The following PTPRS variants were observed in gnomAD, a reference collection of about 807,000 sequenced individuals.
PTPRS encodes the protein protein tyrosine phosphatase receptor type S.
In PTPRS, 63 loss-of-function variants were observed where a neutral mutation model predicts 215.3. That is an observed-to-expected ratio of 0.29 (90% CI 0.24 to 0.36). PTPRS has a LOEUF of 0.36. Among genes scored for constraint, PTPRS ranks in the 10% least tolerant of loss-of-function variants. PTPRS has a pLI of 1.00. For synonymous variants in PTPRS, 1,404 were observed against 1,191.4 expected (o/e 1.18, Z -3.68); for missense variants, 2,258 against 2,825.8 (o/e 0.80, Z 4.56).
At chr19:5,305,212 T>C (rs1568598989) in intron 1 of PTPRS, among the ~76,000 whole-genome samples, 1 of 152,148 alleles carries the variant, frequency 6.6e-6, no homozygotes, top group Non-Finnish European at 1.5e-5. Context: ...ATTCCAGGCT[T>C]TTCCCACCAT....
rs951741903 is a variant in PTPRS, at chr19:5,290,571, C to G, written c.-94-4337G>C. On this transcript the variant is annotated intron_variant, in intron 1 of 37. Transcript: ENST00000262963. ...GCCGGGCAGCAAACAGGCTGTGTCA[C>G]CCGCACGAGGCGGGGGCTCCTCGGG... 2.0e-5 allele frequency among the ~76,000 whole-genome samples: 3 copies of G among 152,134 alleles called. No individual in the cohort carries two copies. The East Asian group carries it at 5.8e-4, about 30-fold the overall frequency.
intron 1 of PTPRS, among the ~76,000 whole-genome samples, chr19:5,300,767 C>CAAAAAAAAAA (rs59799136): frequency 3.1e-5 from 3 of 97,720 alleles, no homozygotes; most frequent in Non-Finnish European, 4.0e-5. Context: ...GACTCCGTCT[C>CAAAAAAAAAA]AAAAAAAAAA....
chr19:5,240,707 C>T (rs1300813732), intron 11 of PTPRS, among the ~76,000 whole-genome samples: 47 of 150,666 alleles, frequency 3.1e-4, no homozygotes, highest in Non-Finnish European at 5.6e-4. Flanking sequence ...GGCGCGGTGG[C>T]GGGCACCTGT....
chr19:5,211,756 A>G lies in PTPRS; in HGVS notation c.5068T>C (p.Ser1690Pro). Residue 1690 changes from serine to proline, a missense_variant, in exon 33 of 38, where the codon TCC becomes CCC. By Grantham distance (74) the Ser-to-Pro change is moderately conservative. Coordinates refer to ENST00000262963, the MANE Select transcript of PTPRS (RefSeq NM_002850.4). The part of the protein sequence containing the change: ...MELEFKRLAN[S>P]KAHTSRFISA... Reference sequence around the variant, plus strand: ...ATGAAGCGTGACGTGTGGGCCTTGGAGTTAGCCAGCCGCTGTGGGGAGGAG... The same window carrying G: ...ATGAAGCGTGACGTGTGGGCCTTGGGGTTAGCCAGCCGCTGTGGGGAGGAG... 1 of 1,612,326 alleles carries G rather than the reference A, an allele frequency of 6.2e-7. No homozygotes were observed. Among genetic ancestry groups the G allele is most frequent in the Non-Finnish European group, 8.5e-7 (1 of 1,178,644 alleles).
intron 1 of PTPRS, among the ~76,000 whole-genome samples, chr19:5,330,529 C>T (rs543193709): frequency 7.2e-5 from 11 of 152,316 alleles, no homozygotes; most frequent in Admixed American, 4.6e-4. Context: ...TAACGGTTCA[C>T]GAAGCTGTGG....
chr19:5,269,966 A>AT (rs2046767656), intron 4 of PTPRS, among the ~76,000 whole-genome samples: 1 of 144,220 alleles, frequency 6.9e-6, no homozygotes, highest in Non-Finnish European at 1.5e-5. Flanking sequence ...CGCAGGGGGC[A>AT]TTTTTTTCCC....
In PTPRS at chr19:5,295,401, C is replaced by G. The variant is rs1317408064; in HGVS notation, c.-94-9167G>C. Among the ~76,000 whole-genome samples the G allele has an allele frequency of 1.3e-5, 2 of 152,206 alleles. No homozygotes were observed. Among genetic ancestry groups the G allele is most frequent in the African/African-American group, 4.8e-5 (2 of 41,460 alleles). Reference sequence around the variant, plus strand: ...GAGGCAGACTCTTGCCCCTATTCCACAGTGGTGACTGCAGTTGGCAGGGGA... The same window carrying G: ...GAGGCAGACTCTTGCCCCTATTCCAGAGTGGTGACTGCAGTTGGCAGGGGA... On this transcript the variant is annotated intron_variant, in intron 1 of 37. Coordinates refer to ENST00000262963, the MANE Select transcript of PTPRS (RefSeq NM_002850.4). The surrounding 1 kb of genome is among the most constrained non-coding windows in gnomAD (Gnocchi z 4.6).
rs199604489 is a variant in PTPRS at position 5,223,240 on chromosome 19, C to A, written c.2552G>T (p.Arg851Leu). Reference sequence around the variant, plus strand: ...CGCGGTGCCAGCCGGGGGCTCCCAGCGTGCCAGCAGGCTGCCCTCGGGGGT... The same window carrying A: ...CGCGGTGCCAGCCGGGGGCTCCCAGAGTGCCAGCAGGCTGCCCTCGGGGGT... ...QQTPEGSLLA[R>L]WEPPAGTAED... The change falls in exon 18 of 38, where the codon CGC (arginine) becomes CTC (leucine). Residue 851 changes from arginine (R) to leucine (L), a missense_variant. Coordinates refer to ENST00000262963, the MANE Select transcript of PTPRS (RefSeq NM_002850.4). 2.4e-4 allele frequency: 363 copies of A among 1,486,796 alleles called. 1 individual carries two copies. The highest frequency in any genetic ancestry group is 3.0e-4 in the Non-Finnish European group (337 of 1,119,530). 92.1% of individuals were successfully genotyped at this position (1,486,796 alleles called of 1,614,324 possible). A position where few individuals can be genotyped will look rare whatever the true frequency, so the allele number is the denominator to read the frequency against.
chr19:5,305,461 C>T (rs959980311), intron 1 of PTPRS, among the ~76,000 whole-genome samples: 4 of 152,104 alleles, frequency 2.6e-5, no homozygotes, highest in Non-Finnish European at 5.9e-5. Flanking sequence ...GCAGGAGGAT[C>T]ACTTGAGCCT....
chr19:5,274,299 G>A lies in PTPRS; in HGVS notation c.137C>T (p.Ser46Leu), dbSNP rs2047172037. 1 of 1,613,648 alleles carries A rather than the reference G, an allele frequency of 6.2e-7. No homozygotes were observed. Among genetic ancestry groups the A allele is most frequent in the Non-Finnish European group, 8.5e-7 (1 of 1,179,844 alleles). ...ACACACGAAAGAGGCCACACCCCCC[G>A]ACACGCCGATCTGGTCCTTGGGTTC... is the stretch of plus-strand genomic sequence containing the variant. ...IKEPKDQIGV[S>L]GGVASFVCQA... Residue 46 changes from serine (S) to leucine (L), a missense_variant, in exon 3 of 38, where the codon TCG (serine) becomes TTG (leucine). Ser to Leu is a moderately radical substitution (Grantham distance 145, BLOSUM62 -2). Coordinates refer to ENST00000262963, the MANE Select transcript of PTPRS (RefSeq NM_002850.4).
At chr19:5,218,391 C>T (rs1405851491) in intron 25 of PTPRS, 29 bp downstream of exon 25, 3 of 1,528,258 alleles carry the variant, frequency 2.0e-6, no homozygotes, top group South Asian at 1.3e-5. Context: ...CTGTTGGTGG[C>T]ATCCCTGGTA....
rs1490040794 is a variant in PTPRS at position 5,244,023 on chromosome 19, C to G, written c.1448G>C (p.Ser483Thr). The change falls in exon 11 of 38, where the codon AGC (serine) becomes ACC (threonine). Residue 483 changes from serine (S) to threonine (T), a missense_variant. By Grantham distance (58) the Ser-to-Thr change is moderately conservative (BLOSUM62 1). This residue lies in a region of PTPRS where 508 missense variants were observed against 799.4 expected (regional missense o/e 0.64). Transcript: ENST00000262963. The surrounding 1 kb of genome is among the most constrained non-coding windows in gnomAD (Gnocchi z 7.2). Reference protein sequence around the residue: ...GNWQKHNVDDSLLTTVGSLLE... With the variant: ...GNWQKHNVDDTLLTTVGSLLE... ...CAGGCTGCCCACGGTGGTCAGCAGGCTGTCGTCCACGTTGTGCTTCTGCCA... is the reference window on the plus strand; with the variant it reads ...CAGGCTGCCCACGGTGGTCAGCAGGGTGTCGTCCACGTTGTGCTTCTGCCA... 6.2e-7 allele frequency: 1 copy of G among 1,608,582 alleles called. No homozygotes were observed. The highest frequency in any genetic ancestry group is 8.5e-7 in the Non-Finnish European group (1 of 1,179,914).
At chr19:5,336,759 T>G (rs963006511) in intron 1 of PTPRS, among the ~76,000 whole-genome samples, 1 of 124,422 alleles carries the variant, frequency 8.0e-6, no homozygotes, top group African/African-American at 3.0e-5. Flanking sequence ...CACCGGAGGC[T>G]GAGCCACTCT....
At chr19:5,238,333 C>A (rs527890763) in intron 13 of PTPRS, among the ~76,000 whole-genome samples, 160 of 152,242 alleles carry the variant, frequency 1.1e-3, no homozygotes, top group Admixed American at 8.7e-3. Flanking sequence ...CGAGTGGGGA[C>A]CTGCATGCCC....
intron 9 of PTPRS, among the ~76,000 whole-genome samples, chr19:5,247,972 G>A (rs2044651110): frequency 6.6e-6 from 1 of 151,250 alleles, no homozygotes; most frequent in South Asian, 2.1e-4. Flanking sequence ...GGAGGAGTCG[G>A]GGCATGGGGA....
intron 13 of PTPRS, among the ~76,000 whole-genome samples, chr19:5,238,405 G>A (rs868470512): frequency 7.9e-5 from 12 of 152,250 alleles, no homozygotes; most frequent in Middle Eastern, 3.4e-3. Flanking sequence ...CTGGGACCTC[G>A]TCCTGGGGTC....
rs747508872 is a variant in PTPRS at position 5,206,826 on chromosome 19, C to G, written c.5795G>C (p.Cys1932Ser). ...MVQTEDEYQF[C>S]YQAALEYLGS... ...GAGGTACTCCAGTGCCGCCTGGTAA[C>G]AGAACTGGTACTCATCCTGGGGGAG... The change falls in exon 38 of 38, where the codon TGT becomes TCT. Residue 1932 changes from cysteine (C) to serine (S), a missense_variant. Physicochemically the swap from Cys to Ser is moderately radical, Grantham distance 112. Coordinates refer to ENST00000262963, the MANE Select transcript of PTPRS (RefSeq NM_002850.4). The G allele has an allele frequency of 1.2e-6, 2 of 1,614,142 alleles. No homozygotes were observed. The highest frequency in any genetic ancestry group is 2.2e-5 in the East Asian group (1 of 44,872).
intron 13 of PTPRS, among the ~76,000 whole-genome samples, chr19:5,233,396 G>A (rs187451069): frequency 2.0e-5 from 3 of 149,224 alleles, no homozygotes; most frequent in African/African-American, 7.4e-5. Context: ...ATGCCAAAGG[G>A]AACAGCAACA....
rs543877950 is a variant in PTPRS, at chr19:5,328,387, G to A, written c.-95+12277C>T. 1.8e-4 allele frequency among the ~76,000 whole-genome samples: 28 copies of A among 152,156 alleles called. No individual in the cohort carries two copies. In the South Asian group the frequency reaches 5.8e-3, roughly 32 times the overall value. ...GGCCTCCCAAAGCGCTGGGATTACA[G>A]GCGTGCACCACCACAGCTGGCTGTA... On this transcript the variant is annotated intron_variant, in intron 1 of 37. Transcript: ENST00000262963.
Sources: allele counts gnomAD v4.1 joint callset (sites outside exome capture counted in the v4.1 genomes callset), GRCh38; gene constraint gnomAD v4.1.1; regional missense constraint gnomAD v4.1.1; non-coding constraint Gnocchi (gnomAD v3.1); transcripts MANE v1.5; gene names NCBI Gene and HGNC (gene_info 2026-07-23, HGNC 2026-07-21).